SLCO4C1: variants seen among roughly 807,000 people sequenced by gnomAD.
The protein encoded by SLCO4C1 is organic anion transporter M1.
In SLCO4C1, 58 loss-of-function variants were observed where a neutral mutation model predicts 72.1. The ratio of observed to expected loss-of-function variants is 0.80; its 90% CI spans 0.65 to 1.00. The LOEUF (loss-of-function observed/expected upper bound fraction) is 1.00, where lower values mean the gene tolerates loss of function less well. SLCO4C1 is among the 50% of genes least tolerant of loss of function. The probability of loss-of-function intolerance (pLI) is 0.00; values close to 1 mark genes in which losing one functional copy is unlikely to be tolerated. For missense variants in SLCO4C1, 898 were observed against 857.9 expected (o/e 1.05, Z -0.58); for synonymous variants, 297 against 312.5 (o/e 0.95, Z 0.52).
intron 3 of SLCO4C1, among the ~76,000 whole-genome samples, chr5:102,266,672 G>GAAAAGA (rs60045053): frequency 0.035 from 5,289 of 151,146 alleles, 277 homozygotes; most frequent in African/African-American, 0.11. Flanking sequence ...GAAAAGAAAA[G>GAAAAGA]AAAAAAAACA....
intron 3 of SLCO4C1, among the ~76,000 whole-genome samples, chr5:102,268,168 C>G (rs963717368): frequency 6.6e-6 from 1 of 152,156 alleles, no homozygotes; most frequent in South Asian, 2.1e-4. Flanking sequence ...ATGATCTTCC[C>G]AGTGCTGGAA....
At chr5:102,274,474 A>T (rs541746285) in intron 2 of SLCO4C1, among the ~76,000 whole-genome samples, 33 of 152,194 alleles carry the variant, frequency 2.2e-4, no homozygotes, top group African/African-American at 7.7e-4. Flanking sequence ...CCAATCAAAG[A>T]CCCACAGCCT....
rs558413776 is a variant in SLCO4C1, at chr5:102,266,370, C to T, written c.803-2590G>A. The stretch of plus-strand genomic sequence containing the variant: ...AAGAGTGATGAAAGTGGGCCTTCAG[C>T]CAGGCCTGGTGTCTCACACCTGTAA... On this transcript the variant is annotated intron_variant, in intron 3 of 12. Coordinates refer to ENST00000310954, the MANE Select transcript of SLCO4C1 (RefSeq NM_180991.5). Among the ~76,000 whole-genome samples, 10 of 152,254 alleles carry T rather than the reference C, an allele frequency of 6.6e-5. No homozygotes were observed. In the South Asian group the frequency reaches 2.1e-3, roughly 32 times the overall value.
At chr5:102,254,679 G>A (rs1282994496) in intron 8 of SLCO4C1, among the ~76,000 whole-genome samples, 1 of 152,072 alleles carries the variant, frequency 6.6e-6, no homozygotes, top group African/African-American at 2.4e-5. Context: ...TCAGATGATT[G>A]TCAGCATGTT....
chr5:102,253,564 T>C (rs1458320508), intron 8 of SLCO4C1, among the ~76,000 whole-genome samples: 1 of 152,036 alleles, frequency 6.6e-6, no homozygotes. Context: ...CCCAGCACTT[T>C]GGGAGGCCGA....
At chr5:102,260,904 G>A (rs138773475) in intron 5 of SLCO4C1, among the ~76,000 whole-genome samples, 2,107 of 152,108 alleles carry the variant, frequency 0.014, 26 homozygotes, top group African/African-American at 0.035. Context: ...AAATTAACGC[G>A]TCTACCTACT....
At chr5:102,292,241 G>A (rs147334493) in intron 1 of SLCO4C1, among the ~76,000 whole-genome samples, 3 of 152,224 alleles carry the variant, frequency 2.0e-5, no homozygotes, top group African/African-American at 4.8e-5. Context: ...AAATGATGAA[G>A]TCAAACTGGT....
chr5:102,242,882 A>G (rs905134566), intron 10 of SLCO4C1, among the ~76,000 whole-genome samples: 2 of 152,138 alleles, frequency 1.3e-5, no homozygotes, highest in African/African-American at 4.8e-5. Flanking sequence ...CCCGGGGGGT[A>G]GAGCACCAAG....
intron 3 of SLCO4C1, among the ~76,000 whole-genome samples, chr5:102,270,235 C>CT (rs1204407430): frequency 6.6e-6 from 1 of 152,086 alleles, no homozygotes; most frequent in Non-Finnish European, 1.5e-5. Flanking sequence ...CTTTTGTGGA[C>CT]TGTAAGTCAA....
intron 5 of SLCO4C1, 130 bp from the exon 6 acceptor site, chr5:102,260,449 A>T (rs1207253675): frequency 5.0e-6 from 1 of 199,856 alleles, no homozygotes; most frequent in Admixed American, 6.2e-5. Flanking sequence ...AAAAGTGCTT[A>T]CTTTTTAACC....
intron 3 of SLCO4C1, among the ~76,000 whole-genome samples, chr5:102,269,143 A>C (rs1345499373): frequency 6.6e-6 from 1 of 152,138 alleles, no homozygotes; most frequent in East Asian, 1.9e-4. Context: ...TACACCTTGA[A>C]GAGGACCCTT....
At chr5:102,268,662 T>A (rs766599084) in intron 3 of SLCO4C1, among the ~76,000 whole-genome samples, 2 of 152,168 alleles carry the variant, frequency 1.3e-5, no homozygotes, top group Non-Finnish European at 2.9e-5. Flanking sequence ...TTTCTTCCTC[T>A]CTCGTTCATC....
At chr5:102,294,773 A>C (rs1381499105) in intron 1 of SLCO4C1, among the ~76,000 whole-genome samples, 2 of 152,222 alleles carry the variant, frequency 1.3e-5, no homozygotes, top group East Asian at 3.9e-4. Flanking sequence ...TTAGCATCTA[A>C]TGCGCAAAGC....
intron 3 of SLCO4C1, among the ~76,000 whole-genome samples, chr5:102,270,421 A>G (rs1235563102): frequency 6.6e-6 from 1 of 152,180 alleles, no homozygotes; most frequent in Non-Finnish European, 1.5e-5. Flanking sequence ...GAAATACAGC[A>G]GAGGATCAAC....
Position 102,236,760 on chromosome 5 carries a change from A to G in SLCO4C1, c.*98T>C. On this transcript the variant is annotated 3_prime_UTR_variant, in exon 13 of 13. Coordinates refer to ENST00000310954, the MANE Select transcript of SLCO4C1 (RefSeq NM_180991.5). ...TAAAAACATCAATTTTGTAAATATGATTGTCCATATTGGATAGATAATCCT... is the reference window on the plus strand; with the variant it reads ...TAAAAACATCAATTTTGTAAATATGGTTGTCCATATTGGATAGATAATCCT... The G allele has an allele frequency of 8.4e-7, 1 of 1,197,352 alleles. No individual in the cohort carries two copies. The highest frequency in any genetic ancestry group is 1.2e-6 in the Non-Finnish European group (1 of 844,594). 74.2% of individuals were successfully genotyped at this position (1,197,352 alleles called of 1,614,324 possible).
rs534332446 is a variant in SLCO4C1 at position 102,234,369 on chromosome 5, T to C, written c.*2489A>G. 1 of 152,742 alleles carries C rather than the reference T, an allele frequency of 6.5e-6. No homozygotes were observed. The highest frequency in any genetic ancestry group is 1.9e-4 in the East Asian group (1 of 5,184). The allele number at this position is 152,742 out of a possible 1,614,324, so 9.5% of individuals were successfully genotyped here. On this transcript the variant is annotated 3_prime_UTR_variant, in exon 13 of 13. Transcript: ENST00000310954. ...AATGATTATAAATTATGGTAGTGTC[T>C]GTAAAACCCTGTTATAAAGGAGGTA...
At chr5:102,277,484 G>T (rs942995201) in intron 2 of SLCO4C1, among the ~76,000 whole-genome samples, 3 of 152,130 alleles carry the variant, frequency 2.0e-5, no homozygotes, top group Non-Finnish European at 4.4e-5. Flanking sequence ...TTACACTGTA[G>T]TCTAGTTGGA....
intron 3 of SLCO4C1, 102 bp from the exon 4 acceptor site, chr5:102,263,882 T>C: frequency 3.7e-6 from 3 of 808,944 alleles, no homozygotes; most frequent in East Asian, 5.4e-5. Context: ...ATCTAAACAA[T>C]TAAACATATC....
intron 8 of SLCO4C1, among the ~76,000 whole-genome samples, chr5:102,254,134 C>A (rs942487398): frequency 6.6e-6 from 1 of 152,124 alleles, no homozygotes; most frequent in African/African-American, 2.4e-5. Flanking sequence ...TACTAGAAAC[C>A]CTACATCCTC....
Sources: gnomAD v4.1 joint callset for allele counts (sites outside exome capture counted in the v4.1 genomes callset) on GRCh38, gnomAD v4.1.1 for gene constraint, MANE v1.5 for transcripts, NCBI Gene and HGNC (gene_info 2026-07-23, HGNC 2026-07-21) for gene names.